The following NFRKB variants were observed in gnomAD, a reference collection of about 807,000 sequenced individuals.
The protein encoded by NFRKB is nuclear factor related to kappa-B-binding protein.
Under a neutral mutation model 135.7 loss-of-function variants are expected in NFRKB, and 62 were observed. The observed-to-expected ratio is 0.46, with a 90% CI of 0.37 to 0.56. NFRKB has a LOEUF of 0.56. NFRKB is among the 20% of genes least tolerant of loss of function. NFRKB has a pLI of 0.00. For missense variants in NFRKB, 1,545 were observed against 1,662.0 expected (o/e 0.93, Z 1.22); for synonymous variants, 678 against 635.6 (o/e 1.07, Z -1.00).
chr11:129,867,871 T>C (rs990117584), intron 24 of NFRKB, among the ~76,000 whole-genome samples: 14 of 152,184 alleles, frequency 9.2e-5, no homozygotes, highest in African/African-American at 3.4e-4. Context: ...ATATGGGGAT[T>C]TGGTTTATGA....
rs1948681973 is a variant in NFRKB at position 129,874,725 on chromosome 11, T to C, written c.1978+68A>G. The C allele has an allele frequency of 2.5e-6, 4 of 1,612,318 alleles. No homozygotes were observed. Among genetic ancestry groups the C allele is most frequent in the Non-Finnish European group, 3.4e-6 (4 of 1,178,522 alleles). ...ACCTATATGCCAATGAAAAGAATAATGGAATTGGGGTAGAAAGTCAGAACG... is the reference window on the plus strand; with the variant it reads ...ACCTATATGCCAATGAAAAGAATAACGGAATTGGGGTAGAAAGTCAGAACG... On this transcript the variant is annotated intron_variant, in intron 19 of 26. Transcript: ENST00000682444. The surrounding 1 kb of genome is among the most constrained non-coding windows in gnomAD (Gnocchi z 4.5).
At chr11:129,884,662 C>G (rs1206197081) in intron 7 of NFRKB, 83 bp downstream of exon 7, 2 of 1,478,164 alleles carry the variant, frequency 1.4e-6, no homozygotes, top group African/African-American at 2.8e-5. Context: ...TAGGAATCTG[C>G]CCCCACCCAC....
intron 13 of NFRKB, among the ~76,000 whole-genome samples, chr11:129,879,844 T>A (rs775506449): frequency 6.6e-6 from 1 of 152,154 alleles, no homozygotes; most frequent in Non-Finnish European, 1.5e-5. Flanking sequence ...AACCCACACA[T>A]CCTACTGTCT....
chr11:129,874,371 G>T lies in NFRKB; in HGVS notation c.2059-38C>A. 1 of 1,519,906 alleles carries T rather than the reference G, an allele frequency of 6.6e-7. No individual in the cohort carries two copies. Among genetic ancestry groups the T allele is most frequent in the African/African-American group, 1.4e-5 (1 of 71,758 alleles). 94.2% of individuals were successfully genotyped at this position (1,519,906 alleles called of 1,614,324 possible). ...ACAAAGAAAACTCACCTGGTGTCGT[G>T]AAGATCCCCCTAAAGGAAGGGACAC... is the stretch of plus-strand genomic sequence containing the variant. On this transcript the variant is annotated intron_variant, in intron 20 of 26. Transcript: ENST00000682444. The surrounding 1 kb of genome is among the most constrained non-coding windows in gnomAD (Gnocchi z 4.5).
intron 8 of NFRKB, 147 bp downstream of exon 8, chr11:129,883,923 G>T: frequency 2.4e-6 from 2 of 838,836 alleles, no homozygotes; most frequent in Non-Finnish European, 4.1e-6. Context: ...CATCGTTGAT[G>T]CTAGCTAGCC....
intron 9 of NFRKB, 122 bp downstream of exon 9, chr11:129,883,000 G>A (rs937859902): frequency 1.2e-6 from 1 of 804,470 alleles, no homozygotes; most frequent in Non-Finnish European, 2.0e-6. Context: ...CCTGTAAGAG[G>A]TAATAATAAA....
intron 24 of NFRKB, among the ~76,000 whole-genome samples, chr11:129,868,612 T>C (rs1948327918): frequency 6.6e-6 from 1 of 152,224 alleles, no homozygotes; most frequent in Admixed American, 6.5e-5. Flanking sequence ...CATTCGCCAC[T>C]GCCTGGCTAA....
chr11:129,884,118 G>A lies in NFRKB; in HGVS notation c.768C>T (p.Asp256=), dbSNP rs1198437176. Residue 256 remains aspartate (D), a synonymous_variant, in exon 8 of 27, where the codon GAC becomes GAT. Transcript: ENST00000682444. Reference sequence around the variant, plus strand: ...GGTGCTTCTTTAACATTATCTTCAGGTCACTGTCCCCCAGTTCTACTTTAT... The same window carrying A: ...GGTGCTTCTTTAACATTATCTTCAGATCACTGTCCCCCAGTTCTACTTTAT... ...TADKVELGDS[D]LKIMLKKHHE... 1 of 1,614,064 alleles carries A rather than the reference G, an allele frequency of 6.2e-7. No homozygotes were observed. Among genetic ancestry groups the A allele is most frequent in the Non-Finnish European group, 8.5e-7 (1 of 1,180,018 alleles).
intron 22 of NFRKB, 63 bp from the exon 23 acceptor site, chr11:129,873,159 C>T (rs73573597): frequency 1.4e-6 from 2 of 1,406,800 alleles, no homozygotes; most frequent in African/African-American, 1.4e-5. Context: ...GCACTCTAAG[C>T]AAGAGTCTCC....
chr11:129,887,434 T>C (rs758795273), intron 4 of NFRKB, among the ~76,000 whole-genome samples: 1 of 152,196 alleles, frequency 6.6e-6, no homozygotes, highest in Non-Finnish European at 1.5e-5. Context: ...ATGGAAAACC[T>C]GATACCATGT....
rs376761913 is a variant in NFRKB, at chr11:129,873,999, A to C, written c.2296T>G (p.Ser766Ala). ...KSSSGVLLVS[S>A]PTMPHLGTML... Reference sequence around the variant, plus strand: ...GTTCCCAGATGTGGCATTGTTGGTGAAGACACCAGAAGAACACTATGAAGA... The same window carrying C: ...GTTCCCAGATGTGGCATTGTTGGTGCAGACACCAGAAGAACACTATGAAGA... The change falls in exon 22 of 27, where the codon TCA becomes GCA. Residue 766 changes from serine to alanine, a missense_variant. Around this residue, in one of 3 missense-constraint regions of NFRKB, gnomAD observed 753 missense variants for 804.3 expected, o/e 0.94. Coordinates refer to ENST00000682444, the MANE Select transcript of NFRKB (RefSeq NM_001143835.2). 3.7e-6 allele frequency: 6 copies of C among 1,612,666 alleles called. No individual in the cohort carries two copies. The South Asian group carries it at 6.6e-5, about 18-fold the overall frequency.
At chr11:129,883,609 T>C (rs572241077) in intron 8 of NFRKB, among the ~76,000 whole-genome samples, 1 of 152,346 alleles carries the variant, frequency 6.6e-6, no homozygotes, top group South Asian at 2.1e-4. Flanking sequence ...TCTCACCTCC[T>C]AGTCTTAGAA....
chr11:129,868,294 G>A (rs2135634953), intron 24 of NFRKB, among the ~76,000 whole-genome samples: 1 of 152,228 alleles, frequency 6.6e-6, no homozygotes, highest in East Asian at 1.9e-4. Context: ...AAGGAAAGTG[G>A]CAAAGATTTA....
At chr11:129,877,768 G>A (rs1948836858) in intron 15 of NFRKB, among the ~76,000 whole-genome samples, 1 of 102,204 alleles carries the variant, frequency 9.8e-6, no homozygotes, top group Non-Finnish European at 2.1e-5. Flanking sequence ...AGTACCCGGG[G>A]CTTGAGATCT....
Position 129,877,352 on chromosome 11 carries a change from C to T in NFRKB, c.1545G>A (p.Gly515=). The change falls in exon 16 of 27, where the codon GGG becomes GGA. Residue 515 remains glycine, a synonymous_variant. Coordinates refer to ENST00000682444, the MANE Select transcript of NFRKB (RefSeq NM_001143835.2). ...RTDYVVRPST[G]EEKRVFQEQE... ...GCTCCTGAAAAACCCGTTTCTCCTC[C>T]CCCGTGCTGGGACGCACCACATAGT... 6.2e-7 allele frequency: 1 copy of T among 1,614,176 alleles called. No homozygotes were observed. The highest frequency in any genetic ancestry group is 8.5e-7 in the Non-Finnish European group (1 of 1,180,022).
At position 129,864,614 on chromosome 11, in the gene NFRKB, G is replaced by A. The variant is rs536523402; in HGVS notation, c.*111C>T. 9 of 1,487,782 alleles carry A rather than the reference G, an allele frequency of 6.0e-6. No homozygotes were observed. Among genetic ancestry groups the A allele is most frequent in the East Asian group, 4.6e-5 (2 of 43,772 alleles). The allele number at this position is 1,487,782 out of a possible 1,614,324, so 92.2% of individuals were successfully genotyped here. A position where few individuals can be genotyped will look rare whatever the true frequency, so the allele number is the denominator to read the frequency against. On this transcript the variant is annotated 3_prime_UTR_variant, in exon 27 of 27. Coordinates refer to ENST00000682444, the MANE Select transcript of NFRKB (RefSeq NM_001143835.2). ...CAGGCCACCGTTGCCATCACCCCTC[G>A]CCTGGCTGCCTTGAACAGGCAAGCT... is the stretch of plus-strand genomic sequence containing the variant.
rs1342692608 is a variant in NFRKB, at chr11:129,884,742, C to T, written c.742+3G>A. 2.2e-5 allele frequency: 36 copies of T among 1,613,580 alleles called. No individual in the cohort carries two copies. Among genetic ancestry groups the T allele is most frequent in the Non-Finnish European group, 2.9e-5 (34 of 1,179,980 alleles). Reference sequence around the variant, plus strand: ...ATGGTGACAGCGGCAGCTTGGTTCTCACCTGCAGTTTTCATATCCGTGGTT... The same window carrying T: ...ATGGTGACAGCGGCAGCTTGGTTCTTACCTGCAGTTTTCATATCCGTGGTT... On this transcript the variant is annotated splice_donor_region_variant and intron_variant, in intron 7 of 26. Coordinates refer to ENST00000682444, the MANE Select transcript of NFRKB (RefSeq NM_001143835.2).
rs1406797065 is a variant in NFRKB at position 129,895,495 on chromosome 11, C to T, written c.-102+1G>A. 2 of 152,368 alleles carry T rather than the reference C, an allele frequency of 1.3e-5. No homozygotes were observed. Among genetic ancestry groups the T allele is most frequent in the African/African-American group, 4.8e-5 (2 of 41,462 alleles). 9.4% of individuals were successfully genotyped at this position (152,368 alleles called of 1,614,324 possible). ...TTTCGCCGCCCCTTGCCCGCCCTCA[C>T]CTGAACCGCGGGCGCCGGCCCCCTA... is the stretch of plus-strand genomic sequence containing the variant. On this transcript the variant is annotated splice_donor_variant, in intron 1 of 26. Coordinates refer to ENST00000682444, the MANE Select transcript of NFRKB (RefSeq NM_001143835.2). LOFTEE classifies it low-confidence loss of function (5UTR_SPLICE).
At chr11:129,884,596 C>T (rs1949183402) in intron 7 of NFRKB, 149 bp downstream of exon 7, 2 of 922,518 alleles carry the variant, frequency 2.2e-6, no homozygotes, top group African/African-American at 1.7e-5. Context: ...TAAAATGGTA[C>T]AAAAACTTTG....
Sources: gnomAD v4.1 joint callset for allele counts (sites outside exome capture counted in the v4.1 genomes callset) on GRCh38, gnomAD v4.1.1 for gene constraint, gnomAD v4.1.1 regional missense constraint, Gnocchi (gnomAD v3.1) non-coding constraint, MANE v1.5 for transcripts, NCBI Gene and HGNC (gene_info 2026-07-23, HGNC 2026-07-21) for gene names.